Variants in ATF6 observed in about 807,000 individuals in gnomAD.
The protein encoded by ATF6 is activating transcription factor 6.
In ATF6, 53 loss-of-function variants were observed where a neutral mutation model predicts 83.6. That is an observed-to-expected ratio of 0.63 (90% CI 0.51 to 0.80). ATF6 has a LOEUF of 0.80. Among genes scored for constraint, ATF6 ranks in the 30% least tolerant of loss-of-function variants. The pLI is 0.00. For synonymous variants in ATF6, 288 were observed against 285.8 expected (o/e 1.01, Z -0.08); for missense variants, 744 against 797.9 (o/e 0.93, Z 0.81).
chr1:161,938,199 G>C (rs959209570), intron 15 of ATF6, among the ~76,000 whole-genome samples: 1 of 152,118 alleles, frequency 6.6e-6, no homozygotes, highest in African/African-American at 2.4e-5. Flanking sequence ...CATGCACTAT[G>C]AATCTTCCTT....
chr1:161,851,886 G>A (rs746219935), intron 11 of ATF6, 51 bp downstream of exon 11: 14 of 1,365,182 alleles, frequency 1.0e-5, no homozygotes, highest in Non-Finnish European at 1.4e-5. Flanking sequence ...CCCATGTTTA[G>A]TTTTGGAACC....
intron 9 of ATF6, among the ~76,000 whole-genome samples, chr1:161,831,007 A>C (rs1484779873): frequency 6.6e-6 from 1 of 152,248 alleles, no homozygotes; most frequent in Non-Finnish European, 1.5e-5. Flanking sequence ...CAGAGTGAAC[A>C]GGCAACCTAC....
At chr1:161,813,502 A>G (rs1365494510) in intron 7 of ATF6, among the ~76,000 whole-genome samples, 1 of 152,202 alleles carries the variant, frequency 6.6e-6, no homozygotes, top group Non-Finnish European at 1.5e-5. Flanking sequence ...TAAGAAATGT[A>G]TTTAACCTCT....
intron 12 of ATF6, among the ~76,000 whole-genome samples, chr1:161,854,515 C>T (rs1686713609): frequency 1.3e-5 from 2 of 152,166 alleles, no homozygotes; most frequent in South Asian, 4.1e-4. Flanking sequence ...GAGAAGAAGA[C>T]AAGGGTTTGG....
At chr1:161,813,892 T>G (rs1459577078) in intron 7 of ATF6, among the ~76,000 whole-genome samples, 2 of 151,838 alleles carry the variant, frequency 1.3e-5, no homozygotes, top group African/African-American at 2.4e-5. Flanking sequence ...TTCTTTCTTT[T>G]TTTTTTTTTG....
chr1:161,807,863 A>ATTTTTTTTTTTTTTTTT (rs1557971141), intron 7 of ATF6, among the ~76,000 whole-genome samples: 2 of 54,786 alleles, frequency 3.7e-5, no homozygotes, highest in African/African-American at 1.6e-4. Context: ...TTAGTTTGTC[A>ATTTTTTTTTTTTTTTTT]TCTTTTTTTT....
intron 4 of ATF6, among the ~76,000 whole-genome samples, chr1:161,786,600 G>T (rs1241048934): frequency 6.6e-6 from 1 of 151,252 alleles, no homozygotes; most frequent in Non-Finnish European, 1.5e-5. Context: ...TTTTTGTTTG[G>T]AACAATCTCA....
At chr1:161,918,860 G>A (rs1300597861) in intron 15 of ATF6, among the ~76,000 whole-genome samples, 2 of 152,190 alleles carry the variant, frequency 1.3e-5, no homozygotes, top group African/African-American at 2.4e-5. Context: ...ACTGGTTTAT[G>A]TAATATGCTG....
rs35284289 is a variant in ATF6, at chr1:161,766,419, T to C, written c.59T>C (p.Phe20Ser). The change falls in exon 1 of 16, where the codon TTT becomes TCT. Residue 20 changes from phenylalanine to serine, a missense_variant. Phe to Ser is a radical substitution (Grantham distance 155). Transcript: ENST00000367942. ...GAGTCACCTTTTAGCCCGGGACTCT[T>C]TCACAGGCTGGATGAAGATTGGGGT... ...TMESPFSPGL[F>S]HRLDEDWDSA... 25,263 of 1,613,306 alleles carry C rather than the reference T, an allele frequency of 0.016. 247 individuals are homozygous for C. The highest frequency in any genetic ancestry group is 0.023 in the Middle Eastern group (139 of 6,058).
In ATF6 at chr1:161,826,163, G is replaced by A. The variant is rs1039735079; in HGVS notation, c.1187+5002G>A. ...TGGGAGGCTTTATGCAGTAGTACTC[G>A]ATGAAGGAATAAAGAGGATTAGATT... On this transcript the variant is annotated intron_variant, in intron 9 of 15. Transcript: ENST00000367942. Among the ~76,000 whole-genome samples the A allele has an allele frequency of 4.6e-5, 7 of 152,110 alleles. No individual in the cohort carries two copies. The East Asian group carries it at 7.7e-4, about 17-fold the overall frequency.
intron 9 of ATF6, chr1:161,840,194 A>T (rs745479641): frequency 6.6e-6 from 1 of 152,182 alleles, no homozygotes; most frequent in Admixed American, 6.5e-5. Context: ...CATGTTTTAC[A>T]TGTGAGGAAT....
intron 15 of ATF6, 27 bp downstream of exon 15, chr1:161,912,407 A>G: frequency 6.7e-7 from 1 of 1,485,102 alleles, no homozygotes; most frequent in Non-Finnish European, 9.3e-7. Context: ...ATGTATGAAC[A>G]ATATGAGATT....
intron 15 of ATF6, among the ~76,000 whole-genome samples, chr1:161,955,736 C>T (rs1415451247): frequency 1.3e-5 from 2 of 152,198 alleles, no homozygotes; most frequent in African/African-American, 4.8e-5. Flanking sequence ...ACCCCAAATG[C>T]TGAACTATCC....
chr1:161,896,096 C>G (rs1687670588), intron 14 of ATF6, among the ~76,000 whole-genome samples: 1 of 152,160 alleles, frequency 6.6e-6, no homozygotes, highest in African/African-American at 2.4e-5. Context: ...CCAAATACAT[C>G]CGTCTATCTA....
intron 14 of ATF6, among the ~76,000 whole-genome samples, chr1:161,906,006 T>C (rs1316007166): frequency 1.3e-5 from 2 of 152,128 alleles, no homozygotes; most frequent in Non-Finnish European, 2.9e-5. Context: ...CTAATTTTTT[T>C]GTATTTTTAT....
chr1:161,814,883 T>C (rs1384843783), intron 7 of ATF6, among the ~76,000 whole-genome samples: 1 of 152,226 alleles, frequency 6.6e-6, no homozygotes, highest in African/African-American at 2.4e-5. Flanking sequence ...TAAGAATGTA[T>C]CTATAAATAT....
intron 4 of ATF6, among the ~76,000 whole-genome samples, chr1:161,786,243 C>A (rs1391446537): frequency 1.3e-5 from 2 of 152,124 alleles, no homozygotes; most frequent in Non-Finnish European, 2.9e-5. Context: ...CCTCGGCCCC[C>A]CAAAGTGCTT....
At chr1:161,830,944 A>C (rs1300919625) in intron 9 of ATF6, among the ~76,000 whole-genome samples, 1 of 152,250 alleles carries the variant, frequency 6.6e-6, no homozygotes, top group Non-Finnish European at 1.5e-5. Flanking sequence ...CAAAATTGAC[A>C]AATGGGATCT....
chr1:161,894,521 C>CTTTTTTTTTTTT lies in ATF6; in HGVS notation c.1720-17753_1720-17742dup, dbSNP rs71093131. ...TTAGAGGCAACATTTGTTTTGTAGTCTTTTTTTTTTTTTTTTTTTTTTTTT... is the reference window on the plus strand; with the variant it reads ...TTAGAGGCAACATTTGTTTTGTAGTCTTTTTTTTTTTTTTTTTTTTTTTTTTTTTTTTTTTTT... On this transcript the variant is annotated intron_variant, in intron 14 of 15. Coordinates refer to ENST00000367942, the MANE Select transcript of ATF6 (RefSeq NM_007348.4). 2.5e-4 allele frequency among the ~76,000 whole-genome samples: 11 copies of CTTTTTTTTTTTT among 44,866 alleles called. 1 individual carries two copies. The highest frequency in any genetic ancestry group is 5.3e-4 in the African/African-American group (8 of 15,130). The allele number at this position is 44,866 out of a possible 152,430, so 29.4% of individuals were successfully genotyped here. A position where few individuals can be genotyped will look rare whatever the true frequency, so the allele number is the denominator to read the frequency against.
Sources: allele counts gnomAD v4.1 joint callset (sites outside exome capture counted in the v4.1 genomes callset), GRCh38; gene constraint gnomAD v4.1.1; transcripts MANE v1.5; gene names NCBI Gene and HGNC (gene_info 2026-07-23, HGNC 2026-07-21).